Variants in CTNNA3 observed in about 807,000 individuals in gnomAD.
CTNNA3 encodes the protein catenin alpha-3.
A neutral mutation model predicts 95.7 loss-of-function variants in CTNNA3; 76 were observed. That is an observed-to-expected ratio of 0.79 (90% CI 0.66 to 0.96). The LOEUF is 0.96. Among genes scored for constraint, CTNNA3 ranks in the 40% least tolerant of loss-of-function variants. CTNNA3 has a pLI of 0.00. For synonymous variants in CTNNA3, 431 were observed against 374.4 expected (o/e 1.15, Z -1.74); for missense variants, 1,191 against 1,089.8 (o/e 1.09, Z -1.31).
chr10:65,930,907 G>C (rs2077242638), intron 17 of CTNNA3, among the ~76,000 whole-genome samples: 1 of 152,110 alleles, frequency 6.6e-6, no homozygotes, highest in African/African-American at 2.4e-5. Context: ...GGGATGCATA[G>C]ATTAATTGTA....
chr10:66,363,648 G>A (rs147005229), intron 12 of CTNNA3, among the ~76,000 whole-genome samples: 232 of 152,262 alleles, frequency 1.5e-3, no homozygotes, highest in African/African-American at 5.6e-3. Context: ...CATATTAGGG[G>A]AAGTGAAAAC....
chr10:67,455,911 C>T (rs187892200), intron 5 of CTNNA3, among the ~76,000 whole-genome samples: 87 of 152,188 alleles, frequency 5.7e-4, no homozygotes, highest in African/African-American at 2.1e-3. Context: ...GTTTAGTTAG[C>T]AATAACATAT....
intron 10 of CTNNA3, among the ~76,000 whole-genome samples, chr10:66,578,439 T>C (rs1001184650): frequency 2.6e-5 from 4 of 152,044 alleles, no homozygotes; most frequent in Non-Finnish European, 5.9e-5. Flanking sequence ...ATTGCTATGA[T>C]GTTGGCTATG....
intron 1 of CTNNA3, chr10:67,665,603 G>A (rs980518998): frequency 6.6e-6 from 1 of 152,094 alleles, no homozygotes; most frequent in East Asian, 1.9e-4. Context: ...GCAATTTCTT[G>A]TATTTAGAAA....
chr10:66,902,041 T>G (rs1009087081), intron 7 of CTNNA3, among the ~76,000 whole-genome samples: 9 of 152,202 alleles, frequency 5.9e-5, no homozygotes, highest in African/African-American at 2.2e-4. Flanking sequence ...CTATTAGACA[T>G]CTACAGAACT....
intron 3 of CTNNA3, among the ~76,000 whole-genome samples, chr10:67,585,613 G>C (rs972985972): frequency 6.6e-6 from 1 of 152,038 alleles, no homozygotes; most frequent in Non-Finnish European, 1.5e-5. Context: ...TTTCTAGTGT[G>C]TGAGTATATC....
At chr10:66,889,109 G>A (rs1045572756) in intron 7 of CTNNA3, among the ~76,000 whole-genome samples, 1 of 151,866 alleles carries the variant, frequency 6.6e-6, no homozygotes, top group Non-Finnish European at 1.5e-5. Context: ...AGTGAAAGAA[G>A]GCAACCTGAA....
In CTNNA3 at chr10:66,560,022, A is replaced by C. The variant is rs539152587; in HGVS notation, c.1375-39249T>G. 3.3e-5 allele frequency among the ~76,000 whole-genome samples: 5 copies of C among 152,234 alleles called. No homozygotes were observed. The South Asian group carries it at 8.3e-4, about 25-fold the overall frequency. On this transcript the variant is annotated intron_variant, in intron 10 of 17. Transcript: ENST00000433211. ...ATAAAGACAAGTGGGAAGAATGGAG[A>C]GAGGACGGGATTGCATGACTCACAG...
intron 9 of CTNNA3, among the ~76,000 whole-genome samples, chr10:66,691,637 G>C (rs969727461): frequency 6.6e-5 from 10 of 152,190 alleles, no homozygotes; most frequent in Non-Finnish European, 1.2e-4. Context: ...CTGGAGATCT[G>C]AGAATGGGCA....
intron 7 of CTNNA3, among the ~76,000 whole-genome samples, chr10:67,128,470 C>T (rs1183303029): frequency 6.6e-6 from 1 of 151,720 alleles, no homozygotes; most frequent in East Asian, 1.9e-4. Flanking sequence ...ATGAAATATT[C>T]TTCCCCAGGT....
intron 9 of CTNNA3, among the ~76,000 whole-genome samples, chr10:66,654,082 C>T (rs1845996859): frequency 6.6e-6 from 1 of 151,794 alleles, no homozygotes; most frequent in East Asian, 1.9e-4. Flanking sequence ...AAAGAAAAGG[C>T]AACAAAAGTG....
At chr10:66,454,955 T>C (rs2093486677) in intron 11 of CTNNA3, among the ~76,000 whole-genome samples, 1 of 152,118 alleles carries the variant, frequency 6.6e-6, no homozygotes, top group Non-Finnish European at 1.5e-5. Context: ...ATTCTAGGGG[T>C]ACAAGTCTGG....
At chr10:66,990,329 G>T (rs1450719836) in intron 7 of CTNNA3, among the ~76,000 whole-genome samples, 2 of 152,112 alleles carry the variant, frequency 1.3e-5, no homozygotes, top group South Asian at 4.1e-4. Flanking sequence ...ATCCTTTGAA[G>T]CTACCACAGT....
intron 3 of CTNNA3, among the ~76,000 whole-genome samples, chr10:67,546,727 T>C (rs1390529862): frequency 6.6e-6 from 1 of 152,216 alleles, no homozygotes; most frequent in Non-Finnish European, 1.5e-5. Flanking sequence ...TAAACACTTT[T>C]ATATTATTCT....
At chr10:67,098,000 C>T (rs1858114911) in intron 7 of CTNNA3, 1 of 573,334 alleles carries the variant, frequency 1.7e-6, no homozygotes, top group Admixed American at 3.1e-5. Context: ...CTAAGTTGTG[C>T]AGTATTTTTT....
At chr10:67,629,667 AAGC>A (rs1405315868) in intron 2 of CTNNA3, among the ~76,000 whole-genome samples, 2 of 152,214 alleles carry the variant, frequency 1.3e-5, no homozygotes, top group South Asian at 4.1e-4. Flanking sequence ...ACATAAGGAT[AAGC>A]ATCTGGCCTA....
chr10:67,054,918 T>G (rs1288169644), intron 7 of CTNNA3: 1 of 152,174 alleles, frequency 6.6e-6, no homozygotes, highest in Non-Finnish European at 1.5e-5. Flanking sequence ...CAAATGACTG[T>G]CATTATAATG....
intron 9 of CTNNA3, among the ~76,000 whole-genome samples, chr10:66,687,390 C>T (rs964550568): frequency 6.6e-6 from 1 of 152,020 alleles, no homozygotes; most frequent in Non-Finnish European, 1.5e-5. Flanking sequence ...TTGGTACATA[C>T]CCATCCTAAT....
At chr10:66,394,347 G>A (rs1336321629) in intron 11 of CTNNA3, among the ~76,000 whole-genome samples, 1 of 151,954 alleles carries the variant, frequency 6.6e-6, no homozygotes, top group Non-Finnish European at 1.5e-5. Flanking sequence ...AGGAGCTAAA[G>A]TCTAAGTTAT....
Sources: gnomAD v4.1 joint callset for allele counts (sites outside exome capture counted in the v4.1 genomes callset) on GRCh38, gnomAD v4.1.1 for gene constraint, MANE v1.5 for transcripts, NCBI Gene and HGNC (gene_info 2026-07-23, HGNC 2026-07-21) for gene names.